The following AGBL1 variants were observed in gnomAD, a reference collection of about 807,000 sequenced individuals.
AGBL1 encodes AGBL carboxypeptidase 1.
Under a neutral mutation model 118.9 loss-of-function variants are expected in AGBL1, and 130 were observed. The observed-to-expected ratio is 1.09, with a 90% CI of 0.95 to 1.26. AGBL1 has a LOEUF of 1.26. AGBL1 is among the 50% of genes most tolerant of loss of function. AGBL1 has a pLI of 0.00. For missense variants in AGBL1, 1,584 were observed against 1,298.1 expected, an observed-to-expected ratio of 1.22 and a Z score of -3.38; for synonymous variants, 555 against 478.9, an observed-to-expected ratio of 1.16 and a Z score of -2.08.
chr15:86,477,710 G>C (rs1323686448), intron 18 of AGBL1, among the ~76,000 whole-genome samples: 1 of 152,138 alleles, frequency 6.6e-6, no homozygotes, highest in East Asian at 1.9e-4. Context: ...GAAAAAGAGG[G>C]AATTCTCCCT....
intron 24 of AGBL1, among the ~76,000 whole-genome samples, chr15:87,005,427 C>T (rs183860391): frequency 3.8e-4 from 58 of 152,128 alleles, no homozygotes; most frequent in African/African-American, 1.3e-3. Flanking sequence ...CTTCTCACTT[C>T]GTTTCATTCA....
chr15:86,774,944 A>C (rs1215459309), intron 22 of AGBL1, among the ~76,000 whole-genome samples: 1 of 152,116 alleles, frequency 6.6e-6, no homozygotes, highest in African/African-American at 2.4e-5. Context: ...ACCATAGAAA[A>C]GTTTTAACTG....
chr15:86,087,786 A>T (rs1895761839), intron 1 of AGBL1, among the ~76,000 whole-genome samples: 1 of 152,230 alleles, frequency 6.6e-6, no homozygotes, highest in Non-Finnish European at 1.5e-5. Context: ...ATACCAGCAG[A>T]AGTGCCCTCA....
At chr15:86,124,091 A>C (rs1473689710) in intron 1 of AGBL1, among the ~76,000 whole-genome samples, 1 of 152,138 alleles carries the variant, frequency 6.6e-6, no homozygotes, top group East Asian at 1.9e-4. Context: ...GCACTTTGGG[A>C]GGCCGAGGCA....
At chr15:86,648,537 G>A (rs984521087) in intron 21 of AGBL1, among the ~76,000 whole-genome samples, 1 of 152,146 alleles carries the variant, frequency 6.6e-6, no homozygotes, top group Non-Finnish European at 1.5e-5. Context: ...AATTGGTTCT[G>A]CAAAATGTTT....
downstream of AGBL1, among the ~76,000 whole-genome samples, chr15:87,029,767 C>G (rs1156765473): frequency 1.3e-5 from 2 of 151,778 alleles, no homozygotes; most frequent in Non-Finnish European, 2.9e-5. Flanking sequence ...TAACTCACAA[C>G]AGCTAATAAA....
chr15:86,879,626 A>G (rs1238734390), intron 22 of AGBL1, among the ~76,000 whole-genome samples: 1 of 152,202 alleles, frequency 6.6e-6, no homozygotes, highest in Non-Finnish European at 1.5e-5. Context: ...CCAAAAACTA[A>G]TTATGTAATA....
intron 1 of AGBL1, among the ~76,000 whole-genome samples, chr15:86,098,399 C>T (rs1163681991): frequency 1.3e-5 from 2 of 152,106 alleles, no homozygotes; most frequent in African/African-American, 2.4e-5. Context: ...GGCCAATGTC[C>T]TAAAGTGTCT....
chr15:86,088,026 G>A (rs1269061329), intron 1 of AGBL1: 1 of 152,348 alleles, frequency 6.6e-6, no homozygotes, highest in African/African-American at 2.4e-5. Flanking sequence ...AAGTTTTCAG[G>A]CTTTGTAGGC....
At chr15:86,290,726 C>A (rs2079531432) in intron 16 of AGBL1, among the ~76,000 whole-genome samples, 1 of 151,548 alleles carries the variant, frequency 6.6e-6, no homozygotes, top group Non-Finnish European at 1.5e-5. Flanking sequence ...TTTTAGGGTA[C>A]ACGTGCACAG....
intron 18 of AGBL1, among the ~76,000 whole-genome samples, chr15:86,508,275 C>A (rs2083005610): frequency 6.6e-6 from 1 of 151,796 alleles, no homozygotes; most frequent in Non-Finnish European, 1.5e-5. Flanking sequence ...TTCAGCTGAA[C>A]AATACCAACA....
chr15:86,733,124 C>T (rs1312062735), intron 22 of AGBL1, among the ~76,000 whole-genome samples: 3 of 150,830 alleles, frequency 2.0e-5, no homozygotes, highest in African/African-American at 7.3e-5. Flanking sequence ...AATTGACTCA[C>T]ACAATTATGG....
At chr15:86,504,515 A>C (rs1041041628) in intron 18 of AGBL1, among the ~76,000 whole-genome samples, 1 of 151,188 alleles carries the variant, frequency 6.6e-6, no homozygotes, top group African/African-American at 2.4e-5. Flanking sequence ...ATTTCTTTTG[A>C]GTTAATAAAT....
At chr15:86,719,336 C>T (rs2086683038) in intron 22 of AGBL1, among the ~76,000 whole-genome samples, 1 of 152,084 alleles carries the variant, frequency 6.6e-6, no homozygotes, top group Non-Finnish European at 1.5e-5. Context: ...AAGCACCTTA[C>T]ATACAATAGT....
At chr15:86,681,202 G>GTC (rs761162975) in intron 22 of AGBL1, among the ~76,000 whole-genome samples, 3 of 152,096 alleles carry the variant, frequency 2.0e-5, no homozygotes, top group Non-Finnish European at 4.4e-5. Flanking sequence ...CTGGAAGTAT[G>GTC]TCTCAAGTTT....
In AGBL1 at chr15:86,424,231, C is replaced by T. The variant is rs538055276; in HGVS notation, c.2555+26685C>T. ...CAGAACAGAGGCCTCAGAAATAATG[C>T]CATACTTCTACAACCATCTTATCTT... On this transcript the variant is annotated intron_variant, in intron 18 of 22. Transcript: ENST00000614907. 1.5e-3 allele frequency among the ~76,000 whole-genome samples: 222 copies of T among 152,264 alleles called. 6 individuals carry two copies. The South Asian group carries it at 0.044, about 30-fold the overall frequency.
chr15:86,512,551 G>A (rs1289352032), intron 18 of AGBL1, among the ~76,000 whole-genome samples: 3 of 151,562 alleles, frequency 2.0e-5, no homozygotes, highest in African/African-American at 7.3e-5. Context: ...TTTCCAATGA[G>A]TTTCTTTTTC....
intron 22 of AGBL1, among the ~76,000 whole-genome samples, chr15:86,858,270 A>G (rs1202632613): frequency 1.3e-5 from 2 of 152,320 alleles, no homozygotes; most frequent in South Asian, 2.1e-4. Context: ...GAAGAAAAGT[A>G]TTGGAAAATT....
At chr15:86,594,054 A>G (rs140672103) in intron 21 of AGBL1, among the ~76,000 whole-genome samples, 26 of 152,036 alleles carry the variant, frequency 1.7e-4, no homozygotes, top group African/African-American at 5.8e-4. Flanking sequence ...TCCTGAGTAG[A>G]TGGGATATAG....
Sources: allele counts gnomAD v4.1 joint callset (sites outside exome capture counted in the v4.1 genomes callset), GRCh38; gene constraint gnomAD v4.1.1; transcripts MANE v1.5; gene names NCBI Gene and HGNC (gene_info 2026-07-23, HGNC 2026-07-21).